Variants in CHRM3 observed in about 807,000 individuals in gnomAD.
CHRM3 encodes the protein cholinergic receptor muscarinic 3, also known as muscarinic acetylcholine receptor M3.
Under a neutral mutation model 41.8 loss-of-function variants are expected in CHRM3, and 11 were observed. The observed-to-expected ratio is 0.26, with a 90% CI of 0.17 to 0.44. The LOEUF is 0.44. Among genes scored for constraint, CHRM3 ranks in the 20% least tolerant of loss-of-function variants. The pLI, the probability that CHRM3 is intolerant of heterozygous loss-of-function variation, is 1.00. For missense variants in CHRM3, 571 were observed against 745.4 expected (o/e 0.77, Z 2.72); for synonymous variants, 297 against 301.4 (o/e 0.99, Z 0.15).
At chr1:239,840,019 A>C (rs372572011) in intron 6 of CHRM3, among the ~76,000 whole-genome samples, 1 of 152,198 alleles carries the variant, frequency 6.6e-6, no homozygotes, top group African/African-American at 2.4e-5. Context: ...TTTTTCATTT[A>C]AATGATAATG....
At chr1:239,588,380 C>T (rs538472491) in intron 3 of CHRM3, among the ~76,000 whole-genome samples, 58 of 152,262 alleles carry the variant, frequency 3.8e-4, no homozygotes, top group African/African-American at 1.3e-3. Context: ...AGCCCCAGGA[C>T]GTAGCACAGT....
intron 5 of CHRM3, among the ~76,000 whole-genome samples, chr1:239,781,807 T>C (rs555378328): frequency 1.3e-5 from 2 of 152,140 alleles, no homozygotes; most frequent in African/African-American, 2.4e-5. Flanking sequence ...CTTTGTTTAC[T>C]GGGACTTTTA....
At chr1:239,862,595 A>C (rs537873339) in intron 6 of CHRM3, among the ~76,000 whole-genome samples, 1 of 152,332 alleles carries the variant, frequency 6.6e-6, no homozygotes, top group South Asian at 2.1e-4. Context: ...GTGTTTGAAC[A>C]TGTAAGCAAA....
In CHRM3 at chr1:239,808,918, A is replaced by C. The variant is rs187260366; in HGVS notation, c.-146-18334A>C. Among the ~76,000 whole-genome samples the C allele has an allele frequency of 1.7e-3, 260 of 152,294 alleles. 2 individuals are homozygous for C. Among genetic ancestry groups the C allele is most frequent in the African/African-American group, 5.8e-3 (240 of 41,560 alleles). On this transcript the variant is annotated intron_variant, in intron 5 of 6. Coordinates refer to ENST00000676153, the MANE Select transcript of CHRM3 (RefSeq NM_001375978.1). ...GTAAAGTCTTGTCAAGTTCCCACTT[A>C]AGCACTGCATGTTACTTTTTACAAA...
intron 1 of CHRM3, among the ~76,000 whole-genome samples, chr1:239,431,990 C>T (rs1372334508): frequency 6.6e-6 from 1 of 152,184 alleles, no homozygotes; most frequent in East Asian, 1.9e-4. Context: ...GTTCCTCATT[C>T]CACACACTCT....
At chr1:239,394,888 C>T (rs1019232795) in intron 1 of CHRM3, among the ~76,000 whole-genome samples, 2 of 152,152 alleles carry the variant, frequency 1.3e-5, no homozygotes, top group African/African-American at 4.8e-5. Flanking sequence ...TTTTTCTTAA[C>T]CTTTTCAATT....
At chr1:239,897,354 T>C (rs1558219974) in intron 6 of CHRM3, among the ~76,000 whole-genome samples, 1 of 152,178 alleles carries the variant, frequency 6.6e-6, no homozygotes, top group Non-Finnish European at 1.5e-5. Flanking sequence ...CATGAAAGCA[T>C]AAATATTAAG....
rs554689942 is a variant in CHRM3, at chr1:239,818,795, G to T, written c.-146-8457G>T. Among the ~76,000 whole-genome samples the T allele has an allele frequency of 5.9e-5, 9 of 152,316 alleles. No individual in the cohort carries two copies. In the South Asian group the frequency reaches 1.9e-3, roughly 32 times the overall value. On this transcript the variant is annotated intron_variant, in intron 5 of 6. Coordinates refer to ENST00000676153, the MANE Select transcript of CHRM3 (RefSeq NM_001375978.1). ...TATGGGCAGGAAAGGGCTGAAGAAG[G>T]CAGAAACAGAGAACACAAAGCAGAT... is the stretch of plus-strand genomic sequence containing the variant.
intron 1 of CHRM3, among the ~76,000 whole-genome samples, chr1:239,453,150 G>A (rs1228861415): frequency 6.6e-6 from 1 of 152,212 alleles, no homozygotes; most frequent in African/African-American, 2.4e-5. Context: ...GACTAGGAGA[G>A]ACTAGACACT....
At chr1:239,710,259 A>G (rs1303289561) in intron 5 of CHRM3, among the ~76,000 whole-genome samples, 1 of 152,200 alleles carries the variant, frequency 6.6e-6, no homozygotes, top group Non-Finnish European at 1.5e-5. Context: ...CTCTCTATAT[A>G]TGTAACTATA....
chr1:239,880,084 C>T (rs139731693), intron 6 of CHRM3, among the ~76,000 whole-genome samples: 44 of 152,288 alleles, frequency 2.9e-4, no homozygotes, highest in Middle Eastern at 3.4e-3. Flanking sequence ...CCAAACCCAA[C>T]TCTCCAAAGA....
chr1:239,687,898 A>G (rs1659302839), intron 5 of CHRM3, among the ~76,000 whole-genome samples: 1 of 152,142 alleles, frequency 6.6e-6, no homozygotes, highest in Non-Finnish European at 1.5e-5. Flanking sequence ...AGTACCCTCT[A>G]TGATGTCCAC....
chr1:239,621,741 G>A (rs906682951), intron 3 of CHRM3, among the ~76,000 whole-genome samples: 1 of 152,182 alleles, frequency 6.6e-6, no homozygotes, highest in East Asian at 1.9e-4. Flanking sequence ...AGCTAGCAGA[G>A]GTTGGTTCAT....
chr1:239,808,891 T>C (rs887860441), intron 5 of CHRM3, among the ~76,000 whole-genome samples: 1 of 152,214 alleles, frequency 6.6e-6, no homozygotes, highest in African/African-American at 2.4e-5. Context: ...TTTTTCCTAC[T>C]TGTAAAGTCT....
chr1:239,455,527 T>G lies in CHRM3; in HGVS notation c.-520-37182T>G, dbSNP rs150677714. 4.3e-4 allele frequency among the ~76,000 whole-genome samples: 65 copies of G among 152,252 alleles called. 1 individual carries two copies. The East Asian group carries it at 0.012, about 29-fold the overall frequency. On this transcript the variant is annotated intron_variant, in intron 1 of 6. Transcript: ENST00000676153. ...GGGAAGACGGTGATATTGATGACAT[T>G]GAACCTTTGTAGACCTAAGTTACGG...
intron 1 of CHRM3, among the ~76,000 whole-genome samples, chr1:239,424,322 T>C (rs1053046177): frequency 2.6e-5 from 4 of 152,070 alleles, no homozygotes; most frequent in Non-Finnish European, 5.9e-5. Flanking sequence ...TAATCATTCA[T>C]TAATGAATAT....
intron 2 of CHRM3, among the ~76,000 whole-genome samples, chr1:239,495,336 A>G (rs1667810415): frequency 6.6e-6 from 1 of 152,198 alleles, no homozygotes; most frequent in East Asian, 1.9e-4. Flanking sequence ...CAAAAAGCCA[A>G]TGTCAAAAGA....
chr1:239,812,091 G>A (rs1671163873), intron 5 of CHRM3, among the ~76,000 whole-genome samples: 1 of 152,188 alleles, frequency 6.6e-6, no homozygotes, highest in African/African-American at 2.4e-5. Flanking sequence ...CCAGGCTGGA[G>A]TGCAGTTGCA....
At chr1:239,778,530 G>C (rs1458800758) in intron 5 of CHRM3, among the ~76,000 whole-genome samples, 1 of 152,150 alleles carries the variant, frequency 6.6e-6, no homozygotes, top group South Asian at 2.1e-4. Flanking sequence ...ATTTATCTTG[G>C]CAGACAAGAA....
Sources: gnomAD v4.1 joint callset for allele counts (sites outside exome capture counted in the v4.1 genomes callset) on GRCh38, gnomAD v4.1.1 for gene constraint, MANE v1.5 for transcripts, NCBI Gene and HGNC (gene_info 2026-07-23, HGNC 2026-07-21) for gene names.